Variants in OXA1L observed in about 807,000 individuals in gnomAD.
OXA1L encodes the protein OXA1L mitochondrial inner membrane insertase, also known as mitochondrial inner membrane protein OXA1L.
In OXA1L, 42 loss-of-function variants were observed where a neutral mutation model predicts 52.2. That is an observed-to-expected ratio of 0.80 (90% CI 0.63 to 1.04). OXA1L has a LOEUF of 1.04. Among genes scored for constraint, OXA1L ranks in the 50% least tolerant of loss-of-function variants. The pLI is 0.00. For missense variants in OXA1L, 572 were observed against 555.0 expected (o/e 1.03, Z -0.31); for synonymous variants, 239 against 201.9 (o/e 1.18, Z -1.56).
In OXA1L at chr14:22,770,810, T is replaced by C. The variant is rs1322609432; in HGVS notation, c.840T>C (p.Gly280=). ...TATMWAVLEL[G]AETGVQSSDL... ...CACCCCACTTCTTTTGGCAGCTAGG[T>C]GCTGAGACAGGTGTGCAAAGTTCTG... Residue 280 remains glycine (G), a synonymous_variant, in exon 7 of 10, where the codon GGT becomes GGC. Transcript: ENST00000612549. The C allele has an allele frequency of 6.2e-7, 1 of 1,613,846 alleles. No individual in the cohort carries two copies. The highest frequency in any genetic ancestry group is 8.5e-7 in the Non-Finnish European group (1 of 1,179,716).
Position 22,768,066 on chromosome 14 carries a change from G to A in OXA1L, c.334G>A (p.Ala112Thr), listed in dbSNP as rs376651832. 5.6e-6 allele frequency: 9 copies of A among 1,614,164 alleles called. No homozygotes were observed. The highest frequency in any genetic ancestry group is 4.5e-5 in the East Asian group (2 of 44,888). The change falls in exon 3 of 10, where the codon GCT becomes ACT. Residue 112 changes from alanine to threonine, a missense_variant. By Grantham distance (58) the Ala-to-Thr change is moderately conservative (BLOSUM62 0). Coordinates refer to ENST00000612549, the MANE Select transcript of OXA1L (RefSeq NM_005015.5). ...VVQTAAEQSF[A>T]ELGLGSYTPV... is the part of the protein sequence containing the mutation. ...CCAAACTGCTGCAGAGCAGAGCTTC[G>A]CTGAACTGGGGCTGGGGTCATACAC... is the stretch of plus-strand genomic sequence containing the variant.
Position 22,771,504 on chromosome 14 carries a change from T to TAGCAGCAGC in OXA1L, c.1259_1267dup (p.Ser420_Ser422dup). The TAGCAGCAGC allele has an allele frequency of 6.2e-7, 1 of 1,611,600 alleles. No homozygotes were observed. Among genetic ancestry groups the TAGCAGCAGC allele is most frequent in the Non-Finnish European group, 8.5e-7 (1 of 1,177,972 alleles). On this transcript the variant is annotated inframe_insertion, in exon 10 of 10. Transcript: ENST00000612549. ...GAAAGGATAACCCTCCCAATATCCCTAGCAGCAGCAGCAAACCAAAGTCAA... is the reference window on the plus strand; with the variant it reads ...GAAAGGATAACCCTCCCAATATCCCTAGCAGCAGCAGCAGCAGCAGCAAACCAAAGTCAA...
intron 3 of OXA1L, among the ~76,000 whole-genome samples, chr14:22,769,491 G>A (rs2038439178): frequency 6.6e-6 from 1 of 151,970 alleles, no homozygotes; most frequent in Non-Finnish European, 1.5e-5. Flanking sequence ...CACCTCATTC[G>A]AACTGCCAGT....
At position 22,771,926 on chromosome 14, in the gene OXA1L, G is replaced by A. The variant is rs879873225; in HGVS notation, c.*368G>A. 7 of 205,428 alleles carry A rather than the reference G, an allele frequency of 3.4e-5. No homozygotes were observed. Among genetic ancestry groups the A allele is most frequent in the Non-Finnish European group, 6.9e-5 (7 of 100,750 alleles). The allele number at this position is 205,428 out of a possible 1,614,324, so 12.7% of individuals were successfully genotyped here. ...ACCAGCCTGGCCAACATGGGGAAACGCCATCTCTGCTGTTTTACAAAAATA... is the reference window on the plus strand; with the variant it reads ...ACCAGCCTGGCCAACATGGGGAAACACCATCTCTGCTGTTTTACAAAAATA... On this transcript the variant is annotated 3_prime_UTR_variant, in exon 10 of 10. Coordinates refer to ENST00000612549, the MANE Select transcript of OXA1L (RefSeq NM_005015.5).
rs781198192 is a variant in OXA1L at position 22,770,880 on chromosome 14, AC to A, written c.912del (p.Leu305CysfsTer3). ...TGTCATCAGAATGATGCCCCTGATAACCTTGCCCATAACCATGCATTTCCCC... is the reference window on the plus strand; with the variant it reads ...TGTCATCAGAATGATGCCCCTGATAACTTGCCCATAACCATGCATTTCCCC... ...RNVIRMMPLI[T>X]LPITMHFPTA... On this transcript the variant is annotated frameshift_variant, in exon 7 of 10. Coordinates refer to ENST00000612549, the MANE Select transcript of OXA1L (RefSeq NM_005015.5). LOFTEE classifies it high-confidence loss of function. The A allele has an allele frequency of 6.2e-7, 1 of 1,614,088 alleles. No individual in the cohort carries two copies. Among genetic ancestry groups the A allele is most frequent in the East Asian group, 2.2e-5 (1 of 44,874 alleles).
Position 22,772,767 on chromosome 14 carries a change from T to G in OXA1L, c.*1209T>G, listed in dbSNP as rs1284667215. The G allele has an allele frequency of 1.3e-5, 2 of 154,032 alleles. No individual in the cohort carries two copies. The highest frequency in any genetic ancestry group is 4.8e-5 in the African/African-American group (2 of 41,332). The allele number at this position is 154,032 out of a possible 1,614,324, so 9.5% of individuals were successfully genotyped here. ...ATCTCAGCACTTTGGGAGGCTGAGG[T>G]GGGTAGATCACTTGAGTCCAGGAAT... On this transcript the variant is annotated 3_prime_UTR_variant, in exon 10 of 10. Transcript: ENST00000612549.
At chr14:22,769,956 C>T (rs535430119) in intron 4 of OXA1L, 22 bp downstream of exon 4, 11 of 1,612,948 alleles carry the variant, frequency 6.8e-6, no homozygotes, top group Admixed American at 1.7e-5. Flanking sequence ...GCAGAATGAG[C>T]GTGGGAGAAG....
At chr14:22,767,481 G>A (rs2139372987) in intron 2 of OXA1L, 72 bp downstream of exon 2, 1 of 1,344,156 alleles carries the variant, frequency 7.4e-7, no homozygotes, top group East Asian at 2.3e-5. Context: ...GTTTTGTTTG[G>A]GAGCAGGGGG....
chr14:22,769,982 T>C (rs1478324022), intron 4 of OXA1L, 48 bp downstream of exon 4: 1 of 1,599,812 alleles, frequency 6.3e-7, no homozygotes, highest in East Asian at 2.2e-5. Context: ...ATTTGCACTT[T>C]TCCTTACATT....
At position 22,771,188 on chromosome 14, in the gene OXA1L, C is replaced by G; in HGVS notation, c.1102+8C>G. 6.2e-7 allele frequency: 1 copy of G among 1,613,764 alleles called. No individual in the cohort carries two copies. On this transcript the variant is annotated splice_region_variant and intron_variant, in intron 8 of 9. Transcript: ENST00000612549. ...TAGAGAGCTTCAAAAAAGGTAAGGG[C>G]TCATCCTCTGTGAAAAAGGACTAGG...
In OXA1L at chr14:22,769,737, T is replaced by C; in HGVS notation, c.440-54T>C. On this transcript the variant is annotated intron_variant, in intron 3 of 9. Transcript: ENST00000612549. ...AGTAAGGACCTAAAAGCCTTCAACC[T>C]TCTAGCTGCAGAACTGCTTTAATTT... is the stretch of plus-strand genomic sequence containing the variant. 3.1e-6 allele frequency: 5 copies of C among 1,604,292 alleles called. No individual in the cohort carries two copies. In the African/African-American group the frequency reaches 5.3e-5, roughly 17 times the overall value.
Position 22,772,514 on chromosome 14 carries a change from AAAAAACAG to A in OXA1L, c.*957_*964del. 1 of 137,744 alleles carries A rather than the reference AAAAAACAG, an allele frequency of 7.3e-6. No individual in the cohort carries two copies. Among genetic ancestry groups the A allele is most frequent in the East Asian group, 2.1e-4 (1 of 4,852 alleles). The allele number at this position is 137,744 out of a possible 1,614,324, so 8.5% of individuals were successfully genotyped here. A position where few individuals can be genotyped will look rare whatever the true frequency, so the allele number is the denominator to read the frequency against. On this transcript the variant is annotated 3_prime_UTR_variant, in exon 10 of 10. Coordinates refer to ENST00000612549, the MANE Select transcript of OXA1L (RefSeq NM_005015.5). ...AAAAAAAAAAAAAAAAAAAAAAAAA[AAAAAACAG>A]TTTAAACTTCCAACCCATGCATGTG...
intron 1 of OXA1L, chr14:22,766,980 C>A: frequency 6.5e-7 from 1 of 1,529,060 alleles, no homozygotes; most frequent in East Asian, 2.4e-5. Context: ...TGGCTCCTGG[C>A]GAGAGCACCT....
intron 1 of OXA1L, chr14:22,767,041 G>A: frequency 2.0e-6 from 3 of 1,535,988 alleles, no homozygotes; most frequent in South Asian, 1.2e-5. Context: ...ACTGAGATGC[G>A]GGGAACCCAG....
At chr14:22,767,520 C>G (rs1195725091) in intron 2 of OXA1L, 111 bp downstream of exon 2, 1 of 862,996 alleles carries the variant, frequency 1.2e-6, no homozygotes, top group Non-Finnish European at 1.8e-6. Flanking sequence ...TGTCCACGCT[C>G]CACACAGCTC....
rs746820965 is a variant in OXA1L at position 22,766,724 on chromosome 14, G to A, written c.23G>A (p.Gly8Glu). The A allele has an allele frequency of 1.9e-6, 3 of 1,614,262 alleles. No homozygotes were observed. Among genetic ancestry groups the A allele is most frequent in the Non-Finnish European group, 1.7e-6 (2 of 1,180,046 alleles). MAMGLMCGRRELLRLLQS... is the reference protein window; with the variant it reads MAMGLMCERRELLRLLQS... ...AAAATGGCGATGGGACTAATGTGCGGACGCCGGGAGCTTCTGCGCTTGCTA... is the reference window on the plus strand; with the variant it reads ...AAAATGGCGATGGGACTAATGTGCGAACGCCGGGAGCTTCTGCGCTTGCTA... The change falls in exon 1 of 10, where the codon GGA becomes GAA. Residue 8 changes from glycine to glutamate, a missense_variant. By Grantham distance (98) the Gly-to-Glu change is moderately conservative. Around this residue, in one of 5 missense-constraint regions of OXA1L, gnomAD observed 186 missense variants for 151.8 expected, o/e 1.23. Transcript: ENST00000612549.
At chr14:22,770,129 TGAG>T (rs1245271003) in intron 4 of OXA1L, 61 bp from the exon 5 acceptor site, 18 of 1,352,160 alleles carry the variant, frequency 1.3e-5, no homozygotes, top group African/African-American at 1.0e-4. Context: ...AGGTAGATAA[TGAG>T]GATGTTCACC....
chr14:22,766,989 C>T lies in OXA1L; in HGVS notation c.63+225C>T, dbSNP rs369854860. ...TTGGCTTGGCTCCTGGCGAGAGCAC[C>T]TCGGCCTCGTTCTCAGGGCCCTCCG... On this transcript the variant is annotated intron_variant, in intron 1 of 9. Coordinates refer to ENST00000612549, the MANE Select transcript of OXA1L (RefSeq NM_005015.5). The T allele has an allele frequency of 2.2e-4, 338 of 1,531,966 alleles. 1 individual carries two copies. The African/African-American group carries it at 3.8e-3, about 17-fold the overall frequency. 94.9% of individuals were successfully genotyped at this position (1,531,966 alleles called of 1,614,324 possible). A position where few individuals can be genotyped will look rare whatever the true frequency, so the allele number is the denominator to read the frequency against.
At chr14:22,767,652 T>C (rs2038421053) in intron 2 of OXA1L, 1 of 513,646 alleles carries the variant, frequency 1.9e-6, no homozygotes, top group Non-Finnish European at 3.4e-6. Context: ...AGCAATTGTT[T>C]CATGTTAATA....
Sources: gnomAD v4.1 joint callset for allele counts (sites outside exome capture counted in the v4.1 genomes callset) on GRCh38, gnomAD v4.1.1 for gene constraint, gnomAD v4.1.1 regional missense constraint, MANE v1.5 for transcripts, NCBI Gene and HGNC (gene_info 2026-07-23, HGNC 2026-07-21) for gene names.